RBFOX1: variants seen among roughly 807,000 people sequenced by gnomAD.
RBFOX1 encodes RNA binding fox-1 homolog 1.
In RBFOX1, 8 loss-of-function variants were observed where a neutral mutation model predicts 57.7. The observed-to-expected ratio is 0.14, with a 90% CI of 0.08 to 0.25. RBFOX1 has a LOEUF of 0.25. RBFOX1 is among the 10% of genes least tolerant of loss of function. RBFOX1 has a pLI of 1.00. For synonymous variants in RBFOX1, 326 were observed against 222.4 expected (o/e 1.47, Z -4.15); for missense variants, 611 against 548.5 (o/e 1.11, Z -1.14).
chr16:5,434,108 C>G (rs915948172), intron 1 of RBFOX1, among the ~76,000 whole-genome samples: 3 of 152,142 alleles, frequency 2.0e-5, no homozygotes, highest in African/African-American at 7.2e-5. Flanking sequence ...CAGACCTGTA[C>G]AGAACCTCTG....
intron 1 of RBFOX1, among the ~76,000 whole-genome samples, chr16:6,099,884 C>G (rs138080757): frequency 6.6e-6 from 1 of 152,260 alleles, no homozygotes; most frequent in African/African-American, 2.4e-5. Context: ...TAAAGGAGTT[C>G]TTTTCTCTGT....
At chr16:7,041,153 G>C (rs7195750) in intron 3 of RBFOX1, among the ~76,000 whole-genome samples, 120,351 of 147,570 alleles carry the variant, frequency 0.82, 49,620 homozygotes, top group East Asian at 0.94. Flanking sequence ...TCAGGCTGGT[G>C]TCGAACATCT....
intron 3 of RBFOX1, among the ~76,000 whole-genome samples, chr16:5,767,903 A>G (rs182981797): frequency 8.2e-4 from 125 of 152,252 alleles, no homozygotes; most frequent in Non-Finnish European, 1.5e-3. Context: ...TCTCATGACC[A>G]TACTCTTCAC....
intron 3 of RBFOX1, among the ~76,000 whole-genome samples, chr16:7,027,797 A>G (rs1396316016): frequency 1.3e-5 from 2 of 152,024 alleles, no homozygotes; most frequent in Non-Finnish European, 1.5e-5. Context: ...AAACAAGAAA[A>G]GGAAGAAATA....
intron 2 of RBFOX1, among the ~76,000 whole-genome samples, chr16:6,612,137 A>G (rs1401316411): frequency 1.3e-5 from 2 of 152,148 alleles, no homozygotes; most frequent in Admixed American, 6.5e-5. Context: ...TATCCCTGGT[A>G]AGAATTTGCT....
chr16:5,408,302 C>G (rs1278910531), intron 1 of RBFOX1, among the ~76,000 whole-genome samples: 1 of 152,222 alleles, frequency 6.6e-6, no homozygotes, highest in East Asian at 1.9e-4. Context: ...TGCTTGAACT[C>G]AGCTCCGCCA....
At chr16:7,038,777 T>C (rs561237208) in intron 3 of RBFOX1, among the ~76,000 whole-genome samples, 2 of 152,300 alleles carry the variant, frequency 1.3e-5, no homozygotes, top group South Asian at 4.1e-4. Context: ...CTGATTAATC[T>C]GTCTGGACCT....
intron 3 of RBFOX1, among the ~76,000 whole-genome samples, chr16:5,763,865 C>T (rs750406590): frequency 6.6e-6 from 1 of 152,174 alleles, no homozygotes; most frequent in African/African-American, 2.4e-5. Flanking sequence ...AGTAGCAACT[C>T]CTTCTTTTGG....
At chr16:5,462,873 C>T (rs895881653) in intron 1 of RBFOX1, among the ~76,000 whole-genome samples, 10 of 152,014 alleles carry the variant, frequency 6.6e-5, no homozygotes, top group Admixed American at 2.6e-4. Context: ...AGGCATGGGA[C>T]GAGCCCCACG....
rs547997655 is a variant in RBFOX1, at chr16:5,666,372, C to T, written c.318+67411C>T. Among the ~76,000 whole-genome samples, 5 of 152,278 alleles carry T rather than the reference C, an allele frequency of 3.3e-5. No individual in the cohort carries two copies. In the East Asian group the frequency reaches 9.7e-4, roughly 29 times the overall value. ...TCCTCAGCACAGTGAACAGAGCTCA[C>T]GGGAGCCTCTGGGAAGATTACGTGC... On this transcript the variant is annotated intron_variant, in intron 3 of 19. Transcript: ENST00000641259.
chr16:7,035,246 G>C (rs534704839), intron 3 of RBFOX1, among the ~76,000 whole-genome samples: 2 of 152,144 alleles, frequency 1.3e-5, no homozygotes, highest in South Asian at 2.1e-4. Flanking sequence ...TACTCCAAGT[G>C]AGAACTGTAC....
At chr16:5,750,465 G>C (rs920876396) in intron 3 of RBFOX1, among the ~76,000 whole-genome samples, 1 of 152,248 alleles carries the variant, frequency 6.6e-6, no homozygotes, top group Non-Finnish European at 1.5e-5. Flanking sequence ...GCCCCCAGAG[G>C]TGGAGTCTAC....
At chr16:6,482,607 A>C (rs757151442) in intron 2 of RBFOX1, among the ~76,000 whole-genome samples, 3 of 152,246 alleles carry the variant, frequency 2.0e-5, no homozygotes, top group Non-Finnish European at 4.4e-5. Context: ...TTCTCCTAAA[A>C]GCAGGCTGAA....
At chr16:6,880,248 A>G (rs1289975767) in intron 3 of RBFOX1, among the ~76,000 whole-genome samples, 1 of 152,188 alleles carries the variant, frequency 6.6e-6, no homozygotes, top group Non-Finnish European at 1.5e-5. Context: ...ACAAGAAGGG[A>G]AAGAGCAGAG....
chr16:7,223,998 CA>C (rs1272314758), intron 4 of RBFOX1, among the ~76,000 whole-genome samples: 1 of 151,662 alleles, frequency 6.6e-6, no homozygotes, highest in African/African-American at 2.4e-5. Flanking sequence ...ATTATAAGTA[CA>C]TAAGTAAAGT....
At chr16:5,243,523 T>C (rs1383705351) in intron 1 of RBFOX1, among the ~76,000 whole-genome samples, 2 of 152,084 alleles carry the variant, frequency 1.3e-5, no homozygotes, top group Non-Finnish European at 2.9e-5. Context: ...GTCCCGTGTA[T>C]TGTAGGATGG....
chr16:7,499,848 A>G (rs1042688751), intron 4 of RBFOX1, among the ~76,000 whole-genome samples: 1 of 152,062 alleles, frequency 6.6e-6, no homozygotes, highest in African/African-American at 2.4e-5. Flanking sequence ...TAAGTTGCAC[A>G]CAATTATTGG....
intron 4 of RBFOX1, among the ~76,000 whole-genome samples, chr16:7,493,237 A>T (rs1443179694): frequency 6.9e-6 from 1 of 144,396 alleles, no homozygotes; most frequent in African/African-American, 2.9e-5. Context: ...ACAGACTAAC[A>T]CACTCAGTCA....
chr16:7,192,868 A>G (rs558485487), intron 4 of RBFOX1, among the ~76,000 whole-genome samples: 2 of 152,228 alleles, frequency 1.3e-5, no homozygotes, highest in Non-Finnish European at 2.9e-5. Context: ...TCCGAGGATC[A>G]TGTGCTTACA....
Sources: gnomAD v4.1 joint callset for allele counts (sites outside exome capture counted in the v4.1 genomes callset) on GRCh38, gnomAD v4.1.1 for gene constraint, MANE v1.5 for transcripts, NCBI Gene and HGNC (gene_info 2026-07-23, HGNC 2026-07-21) for gene names.